NDST4: variants seen among roughly 807,000 people sequenced by gnomAD.
The protein encoded by NDST4 is N-deacetylase and N-sulfotransferase 4.
In NDST4, 63 loss-of-function variants were observed where a neutral mutation model predicts 100.8. The observed-to-expected ratio is 0.62, with a 90% CI of 0.51 to 0.77. The LOEUF (loss-of-function observed/expected upper bound fraction) is 0.77. Ranked by LOEUF, NDST4 falls within the 30% of genes least tolerant of loss-of-function variation. NDST4 has a pLI of 0.00. For missense variants in NDST4, 943 were observed against 1,018.4 expected, an observed-to-expected ratio of 0.93 and a Z score of 1.01; for synonymous variants, 377 against 361.8, an observed-to-expected ratio of 1.04 and a Z score of -0.48.
At chr4:115,075,350 C>T (rs1729155983) in intron 2 of NDST4, among the ~76,000 whole-genome samples, 1 of 152,032 alleles carries the variant, frequency 6.6e-6, no homozygotes, top group Admixed American at 6.6e-5. Context: ...ATTTTCAAAC[C>T]CGAGTTTGGC....
At chr4:114,892,521 G>C (rs1354506128) in intron 6 of NDST4, among the ~76,000 whole-genome samples, 1 of 152,090 alleles carries the variant, frequency 6.6e-6, no homozygotes, top group East Asian at 1.9e-4. Context: ...CATCAAAGAT[G>C]TCTTATTTCA....
chr4:114,883,029 C>G (rs1043007392), intron 6 of NDST4, among the ~76,000 whole-genome samples: 3 of 151,762 alleles, frequency 2.0e-5, no homozygotes, highest in Non-Finnish European at 4.4e-5. Context: ...GAGAAATAAA[C>G]ACTCACAGAA....
At position 114,985,623 on chromosome 4, in the gene NDST4, A is replaced by C. The variant is rs963499298; in HGVS notation, c.979-8349T>G. 3.3e-5 allele frequency among the ~76,000 whole-genome samples: 5 copies of C among 152,310 alleles called. No homozygotes were observed. In the South Asian group the frequency reaches 1.0e-3, roughly 32 times the overall value. On this transcript the variant is annotated intron_variant, in intron 2 of 13. Coordinates refer to ENST00000264363, the MANE Select transcript of NDST4 (RefSeq NM_022569.3). Reference sequence around the variant, plus strand: ...AAAGTACCTGATAAACAAAACTGGTAAGTTTTCTGGTTTTTGATGGAACCT... The same window carrying C: ...AAAGTACCTGATAAACAAAACTGGTCAGTTTTCTGGTTTTTGATGGAACCT...
chr4:115,027,908 C>T (rs149662279), intron 2 of NDST4, among the ~76,000 whole-genome samples: 2,172 of 152,098 alleles, frequency 0.014, 49 homozygotes, highest in African/African-American at 0.047. Flanking sequence ...ACAAAAATAG[C>T]TGGGCGTGGT....
intron 11 of NDST4, among the ~76,000 whole-genome samples, chr4:114,838,319 G>C (rs1723345982): frequency 6.6e-6 from 1 of 152,098 alleles, no homozygotes; most frequent in African/African-American, 2.4e-5. Context: ...CCATTACTGG[G>C]TATATACCCA....
intron 6 of NDST4, among the ~76,000 whole-genome samples, chr4:114,898,250 C>A (rs1050569444): frequency 3.3e-5 from 5 of 152,016 alleles, no homozygotes; most frequent in African/African-American, 1.2e-4. Flanking sequence ...TATAAGGTGT[C>A]TAGATTTATT....
chr4:114,926,582 G>A (rs1036474785), intron 6 of NDST4, among the ~76,000 whole-genome samples: 2 of 151,892 alleles, frequency 1.3e-5, no homozygotes, highest in Admixed American at 1.3e-4. Flanking sequence ...AATGCAGAAA[G>A]AAAAAATATC....
At chr4:114,904,443 A>G (rs539734938) in intron 6 of NDST4, among the ~76,000 whole-genome samples, 1 of 152,018 alleles carries the variant, frequency 6.6e-6, no homozygotes, top group African/African-American at 2.4e-5. Flanking sequence ...AATAACCTAA[A>G]CTAACAAAAT....
At chr4:114,880,215 C>A (rs7668694) in intron 6 of NDST4, among the ~76,000 whole-genome samples, 1 of 152,016 alleles carries the variant, frequency 6.6e-6, no homozygotes, top group African/African-American at 2.4e-5. Flanking sequence ...CACAACCGTA[C>A]AGTTGTTGCA....
intron 4 of NDST4, among the ~76,000 whole-genome samples, chr4:114,964,750 C>A (rs1027595598): frequency 2.0e-5 from 3 of 152,032 alleles, no homozygotes; most frequent in African/African-American, 7.2e-5. Context: ...ATTATTAAAT[C>A]GTCTTTTCTC....
intron 4 of NDST4, among the ~76,000 whole-genome samples, chr4:114,944,284 T>G (rs2126229231): frequency 6.6e-6 from 1 of 152,266 alleles, no homozygotes; most frequent in South Asian, 2.1e-4. Flanking sequence ...TATTAGCTCT[T>G]CTTATGCAAT....
intron 6 of NDST4, among the ~76,000 whole-genome samples, chr4:114,912,234 T>A (rs1725076915): frequency 6.6e-6 from 1 of 152,286 alleles, no homozygotes; most frequent in African/African-American, 2.4e-5. Flanking sequence ...CCACTTCTTA[T>A]AAAGTCTCTG....
chr4:115,098,453 TA>T (rs1196127094), intron 1 of NDST4, among the ~76,000 whole-genome samples: 2 of 152,080 alleles, frequency 1.3e-5, no homozygotes, highest in Non-Finnish European at 2.9e-5. Context: ...GAGGAAGACT[TA>T]AAAATGAAAA....
intron 6 of NDST4, among the ~76,000 whole-genome samples, chr4:114,899,026 C>T (rs1186676127): frequency 1.3e-5 from 2 of 151,830 alleles, no homozygotes; most frequent in South Asian, 2.1e-4. Context: ...CTTTCTTTGT[C>T]GTATTGGCTG....
intron 4 of NDST4, among the ~76,000 whole-genome samples, chr4:114,963,787 A>C (rs1726319085): frequency 6.6e-6 from 1 of 152,340 alleles, no homozygotes; most frequent in Non-Finnish European, 1.5e-5. Context: ...CTTGAAGAAA[A>C]ATATTAGGTT....
At chr4:115,112,971 C>T (rs919281842) in intron 1 of NDST4, among the ~76,000 whole-genome samples, 1 of 151,924 alleles carries the variant, frequency 6.6e-6, no homozygotes, top group Non-Finnish European at 1.5e-5. Flanking sequence ...TAGTACAGAG[C>T]ATGCCTATAA....
At chr4:115,039,369 G>A (rs1210045037) in intron 2 of NDST4, among the ~76,000 whole-genome samples, 2 of 152,068 alleles carry the variant, frequency 1.3e-5, no homozygotes, top group Non-Finnish European at 2.9e-5. Flanking sequence ...AGAGGCTGGA[G>A]GGATCTGGAC....
intron 1 of NDST4, among the ~76,000 whole-genome samples, chr4:115,090,837 C>T (rs192514562): frequency 5.9e-5 from 9 of 151,974 alleles, no homozygotes; most frequent in African/African-American, 1.7e-4. Context: ...TTGACATCAG[C>T]GAAAGATCAG....
intron 4 of NDST4, among the ~76,000 whole-genome samples, chr4:114,954,810 A>G (rs1726099919): frequency 6.6e-6 from 1 of 152,150 alleles, no homozygotes; most frequent in Non-Finnish European, 1.5e-5. Context: ...AATTCTCATG[A>G]ATGGCTTAAC....
Sources: allele counts gnomAD v4.1 joint callset (sites outside exome capture counted in the v4.1 genomes callset), GRCh38; gene constraint gnomAD v4.1.1; transcripts MANE v1.5; gene names NCBI Gene and HGNC (gene_info 2026-07-23, HGNC 2026-07-21).